Variants in FGF12 observed in about 807,000 individuals in gnomAD.
The protein encoded by FGF12 is fibroblast growth factor 12.
FGF12 carries 14 observed loss-of-function variants against 23.6 expected under a neutral mutation model. The ratio of observed to expected loss-of-function variants is 0.59; its 90% CI spans 0.39 to 0.93. The LOEUF is 0.93. FGF12 is among the 40% of genes least tolerant of loss of function. The pLI, the probability that FGF12 is intolerant of heterozygous loss-of-function variation, is 0.00. For synonymous variants in FGF12, 62 were observed against 77.3 expected (o/e 0.80, Z 1.04); for missense variants, 175 against 217.8 (o/e 0.80, Z 1.24).
At chr3:192,390,226 G>A (rs751966637) in intron 2 of FGF12, among the ~76,000 whole-genome samples, 29 of 152,124 alleles carry the variant, frequency 1.9e-4, no homozygotes, top group Non-Finnish European at 2.9e-4. Flanking sequence ...TTGTTGATGT[G>A]TTTACCGCCT....
At chr3:192,410,157 G>A (rs1417407356) in intron 2 of FGF12, among the ~76,000 whole-genome samples, 2 of 152,134 alleles carry the variant, frequency 1.3e-5, no homozygotes, top group East Asian at 3.9e-4. Flanking sequence ...GCGCCCAGGT[G>A]GGGCCGAGCT....
At chr3:192,664,509 G>A (rs1027303124) in intron 2 of FGF12, among the ~76,000 whole-genome samples, 3 of 151,382 alleles carry the variant, frequency 2.0e-5, no homozygotes, top group Admixed American at 6.6e-5. Flanking sequence ...AGCACTTTGG[G>A]AGGCCAAGGA....
At chr3:192,709,788 AC>A (rs976974286) in intron 2 of FGF12, among the ~76,000 whole-genome samples, 5 of 151,898 alleles carry the variant, frequency 3.3e-5, no homozygotes, top group Non-Finnish European at 5.9e-5. Context: ...AATCACTTCC[AC>A]CCCCTAGAGC....
intron 2 of FGF12, among the ~76,000 whole-genome samples, chr3:192,481,914 C>T (rs1723491098): frequency 6.6e-6 from 1 of 152,110 alleles, no homozygotes; most frequent in African/African-American, 2.4e-5. Context: ...GAATAATAAA[C>T]TGAACCTTAA....
intron 2 of FGF12, among the ~76,000 whole-genome samples, chr3:192,626,971 T>C (rs1266818962): frequency 6.6e-6 from 1 of 152,170 alleles, no homozygotes; most frequent in Non-Finnish European, 1.5e-5. Flanking sequence ...ATTTTTAAAA[T>C]ACAGAAGAGT....
intron 4 of FGF12, among the ~76,000 whole-genome samples, chr3:192,215,067 A>G (rs1420570879): frequency 1.3e-5 from 2 of 152,198 alleles, no homozygotes; most frequent in Non-Finnish European, 2.9e-5. Flanking sequence ...AGCCTAAATC[A>G]GAGGATGCTT....
chr3:192,348,150 G>T (rs1331359298), intron 3 of FGF12, among the ~76,000 whole-genome samples: 2 of 152,110 alleles, frequency 1.3e-5, no homozygotes, highest in African/African-American at 4.8e-5. Context: ...TTCTCTTTAG[G>T]ATATTTGTAA....
chr3:192,208,575 C>T (rs914455822), intron 4 of FGF12, among the ~76,000 whole-genome samples: 2 of 152,114 alleles, frequency 1.3e-5, no homozygotes, highest in African/African-American at 4.8e-5. Flanking sequence ...CTATTTTAAT[C>T]TCATTATATT....
In FGF12 at chr3:192,439,699, A is replaced by G. The variant is rs146402489; in HGVS notation, c.14-79161T>C. ...TGTTGTATAAAAGCATAACATGGCCAGGCGTGGTGGCTCACGCCTGTAATC... is the reference window on the plus strand; with the variant it reads ...TGTTGTATAAAAGCATAACATGGCCGGGCGTGGTGGCTCACGCCTGTAATC... On this transcript the variant is annotated intron_variant, in intron 2 of 5. Coordinates refer to ENST00000445105, the MANE Select transcript of FGF12 (RefSeq NM_004113.6). Among the ~76,000 whole-genome samples, 105 of 152,264 alleles carry G rather than the reference A, an allele frequency of 6.9e-4. 1 individual carries two copies. In the East Asian group the frequency reaches 0.01, roughly 15 times the overall value.
At chr3:192,158,332 C>CTTTCTTTCTCTT (rs1459698854) in intron 5 of FGF12, among the ~76,000 whole-genome samples, 10 of 112,444 alleles carry the variant, frequency 8.9e-5, no homozygotes, top group African/African-American at 3.5e-4. Flanking sequence ...TTCTTTCTTT[C>CTTTCTTTCTCTT]TCTTTCTTTC....
At chr3:192,588,357 AAAAAAAAAAAGAAAAAAAG>A (rs1713470496) in intron 2 of FGF12, among the ~76,000 whole-genome samples, 1 of 148,414 alleles carries the variant, frequency 6.7e-6, no homozygotes, top group Non-Finnish European at 1.5e-5. Flanking sequence ...CTCAAAAAAA[AAAAAAAAAAAGAAAAAAAG>A]AAAAAAAAAA....
intron 2 of FGF12, among the ~76,000 whole-genome samples, chr3:192,704,541 A>G (rs1389073626): frequency 6.6e-6 from 1 of 152,212 alleles, no homozygotes; most frequent in Non-Finnish European, 1.5e-5. Flanking sequence ...TTCCATTTAT[A>G]GAACACAGGC....
intron 4 of FGF12, among the ~76,000 whole-genome samples, chr3:192,234,626 G>A (rs971934699): frequency 2.0e-5 from 3 of 152,122 alleles, no homozygotes; most frequent in Non-Finnish European, 4.4e-5. Flanking sequence ...GTTGTCAGGC[G>A]GAATGCTTCC....
intron 4 of FGF12, 99 bp from the exon 5 acceptor site, chr3:192,170,755 T>C: frequency 1.0e-6 from 1 of 1,003,258 alleles, no homozygotes; most frequent in Non-Finnish European, 1.5e-6. Flanking sequence ...TGTCCTCTGT[T>C]AAGAACAAAT....
chr3:192,218,944 C>T (rs1030441326), intron 4 of FGF12, among the ~76,000 whole-genome samples: 1 of 152,160 alleles, frequency 6.6e-6, no homozygotes, highest in Non-Finnish European at 1.5e-5. Context: ...CTTTCGGCTG[C>T]CTATTGTGAC....
Position 192,648,482 on chromosome 3 carries a change from A to AT in FGF12, c.13+78698dup, listed in dbSNP as rs10575098. ...ACTTACAGGAACAAAGACTATTTAG[A>AT]TTTTTTTTTTTTTTAGTCTCTTAGA... On this transcript the variant is annotated intron_variant, in intron 2 of 5. Transcript: ENST00000445105. 3.0e-3 allele frequency among the ~76,000 whole-genome samples: 439 copies of AT among 148,760 alleles called. 7 individuals are homozygous for AT. Among genetic ancestry groups the AT allele is most frequent in the African/African-American group, 9.7e-3 (393 of 40,540 alleles).
intron 4 of FGF12, among the ~76,000 whole-genome samples, chr3:192,234,849 A>T (rs1454326447): frequency 6.6e-6 from 1 of 152,100 alleles, no homozygotes; most frequent in Non-Finnish European, 1.5e-5. Context: ...GCATTTATTG[A>T]TATTCATATG....
intron 4 of FGF12, among the ~76,000 whole-genome samples, chr3:192,264,600 C>A (rs747447093): frequency 1.3e-5 from 2 of 151,366 alleles, no homozygotes; most frequent in Non-Finnish European, 2.9e-5. Context: ...CTATTATTAC[C>A]CCCACTTTCC....
intron 2 of FGF12, among the ~76,000 whole-genome samples, chr3:192,402,751 CAA>C (rs970459429): frequency 3.9e-5 from 6 of 152,048 alleles, no homozygotes; most frequent in Admixed American, 3.3e-4. Context: ...ATCCTGAAGT[CAA>C]GTTATTATTA....
Sources: allele counts gnomAD v4.1 joint callset (sites outside exome capture counted in the v4.1 genomes callset), GRCh38; gene constraint gnomAD v4.1.1; transcripts MANE v1.5; gene names NCBI Gene and HGNC (gene_info 2026-07-23, HGNC 2026-07-21).